MCM3: variants seen among roughly 807,000 people sequenced by gnomAD.
MCM3 encodes the protein minichromosome maintenance complex component 3.
Under a neutral mutation model 91.3 loss-of-function variants are expected in MCM3, and 59 were observed. The ratio of observed to expected loss-of-function variants is 0.65; its 90% CI spans 0.52 to 0.80. MCM3 has a LOEUF of 0.80. Among genes scored for constraint, MCM3 ranks in the 30% least tolerant of loss-of-function variants. The pLI is 0.00. For synonymous variants in MCM3, 383 were observed against 379.6 expected, an observed-to-expected ratio of 1.01 and a Z score of -0.10; for missense variants, 919 against 1,035.4, an observed-to-expected ratio of 0.89 and a Z score of 1.54.
At chr6:52,269,705 C>T (rs1003283061) in intron 12 of MCM3, among the ~76,000 whole-genome samples, 1 of 152,158 alleles carries the variant, frequency 6.6e-6, no homozygotes, top group Non-Finnish European at 1.5e-5. Context: ...AGGACAAAAA[C>T]GTAACTTCAG....
chr6:52,276,560 A>T, intron 8 of MCM3, 84 bp from the exon 9 acceptor site: 1 of 1,187,068 alleles, frequency 8.4e-7, no homozygotes, highest in South Asian at 1.5e-5. Context: ...CTTCCTAGGA[A>T]TCTCTCACTT....
chr6:52,278,857 C>T lies in MCM3; in HGVS notation c.771-7G>A, dbSNP rs1357564198. ...ACAGGCAATCAGGACAGTCCTGGGA[C>T]AAACAGAATAAAGAGGAAACCCGTT... On this transcript the variant is annotated splice_polypyrimidine_tract_variant and splice_region_variant and intron_variant, in intron 5 of 16. Transcript: ENST00000596288. 6.3e-7 allele frequency: 1 copy of T among 1,593,346 alleles called. No individual in the cohort carries two copies. Among genetic ancestry groups the T allele is most frequent in the Non-Finnish European group, 8.6e-7 (1 of 1,163,100 alleles).
rs1765888812 is a variant in MCM3, at chr6:52,279,509, C to T, written c.622G>A (p.Ala208Thr). The T allele has an allele frequency of 1.2e-6, 2 of 1,614,126 alleles. No homozygotes were observed. Among genetic ancestry groups the T allele is most frequent in the Non-Finnish European group, 1.7e-6 (2 of 1,180,020 alleles). The change falls in exon 5 of 17, where the codon GCC becomes ACC. Residue 208 changes from alanine to threonine, a missense_variant. Physicochemically the swap from Ala to Thr is moderately conservative, Grantham distance 58 (BLOSUM62 0). Around this residue, in one of 3 missense-constraint regions of MCM3, gnomAD observed 401 missense variants for 402.7 expected, o/e 1.00. Coordinates refer to ENST00000596288, the MANE Select transcript of MCM3 (RefSeq NM_002388.6). ...TITIQEMPEK[A>T]PAGQLPRSVD... The stretch of plus-strand genomic sequence containing the variant: ...GAGCGGGGGAGCTGGCCGGCTGGGG[C>T]CTTCTCCGGCATCTCCTGGATGGTG...
chr6:52,283,564 T>G (rs1233084064), intron 1 of MCM3, among the ~76,000 whole-genome samples, 158 bp from the exon 2 acceptor site: 4 of 152,240 alleles, frequency 2.6e-5, no homozygotes, highest in Non-Finnish European at 5.9e-5. Context: ...TCATTCACTG[T>G]TTTTAGATTC....
At chr6:52,284,230 G>T (rs1044642862) in intron 1 of MCM3, among the ~76,000 whole-genome samples, 2 of 152,222 alleles carry the variant, frequency 1.3e-5, no homozygotes, top group Non-Finnish European at 2.9e-5. Context: ...CTGCAACGCG[G>T]CTGGTCACTA....
chr6:52,267,338 C>T lies in MCM3; in HGVS notation c.2072+527G>A, dbSNP rs1003258180. Among the ~76,000 whole-genome samples, 15 of 151,900 alleles carry T rather than the reference C, an allele frequency of 9.9e-5. No individual in the cohort carries two copies. The East Asian group carries it at 1.2e-3, about 12-fold the overall frequency. On this transcript the variant is annotated intron_variant, in intron 14 of 16. Coordinates refer to ENST00000596288, the MANE Select transcript of MCM3 (RefSeq NM_002388.6). The stretch of plus-strand genomic sequence containing the variant: ...GTCTTGATCTCCTGACCTCGTGATC[C>T]GCCTGCCTCGGCCTCCCAAAGTGCT...
intron 13 of MCM3, 59 bp downstream of exon 13, chr6:52,269,027 C>T: frequency 6.5e-7 from 1 of 1,539,856 alleles, no homozygotes; most frequent in Admixed American, 1.9e-5. Flanking sequence ...GGCTGGGAAG[C>T]CCATGCATCT....
intron 10 of MCM3, 98 bp downstream of exon 10, chr6:52,273,644 G>C: frequency 7.8e-7 from 1 of 1,289,570 alleles, no homozygotes; most frequent in Non-Finnish European, 1.1e-6. Context: ...CATCAACCCG[G>C]ACACTGAAAC....
rs555310154 is a variant in MCM3 at position 52,277,809 on chromosome 6, C to A, written c.880-121G>T. ...GAGGGCCAGGCGCAGTGGCTCAGGT[C>A]TGTAATCCTAGCACTTTGGGAGGCC... On this transcript the variant is annotated intron_variant, in intron 6 of 16. Transcript: ENST00000596288. 6.1e-6 allele frequency: 5 copies of A among 825,366 alleles called. No homozygotes were observed. The African/African-American group carries it at 6.9e-5, about 11-fold the overall frequency. The allele number at this position is 825,366 out of a possible 1,614,324, so 51.1% of individuals were successfully genotyped here. A position where few individuals can be genotyped will look rare whatever the true frequency, so the allele number is the denominator to read the frequency against.
rs1158306667 is a variant in MCM3 at position 52,273,765 on chromosome 6, G to A, written c.1526C>T (p.Ala509Val). ...ACCATCGCCATCCTGCTCCCCAGGT[G>A]CTCTGTAACGGTGCATCCGAAGGAC... Reference protein sequence around the residue: ...DHVLRMHRYRAPGEQDGDAMP... With the variant: ...DHVLRMHRYRVPGEQDGDAMP... The change falls in exon 10 of 17, where the codon GCA becomes GTA. Residue 509 changes from alanine to valine, a missense_variant. By Grantham distance (64) the Ala-to-Val change is moderately conservative. This residue lies in a region of MCM3 where 233 missense variants were observed against 321.2 expected (regional missense o/e 0.73). Transcript: ENST00000596288. 8 of 1,612,384 alleles carry A rather than the reference G, an allele frequency of 5.0e-6. No homozygotes were observed. The Admixed American group carries it at 1.3e-4, about 27-fold the overall frequency.
chr6:52,281,446 CAGGAGGATCACTTG>C (rs892785130), intron 4 of MCM3, among the ~76,000 whole-genome samples: 1 of 151,882 alleles, frequency 6.6e-6, no homozygotes, highest in Non-Finnish European at 1.5e-5. Flanking sequence ...AAGATGGAAG[CAGGAGGATCACTTG>C]AGGCCACGAC....
intron 11 of MCM3, among the ~76,000 whole-genome samples, chr6:52,272,861 G>A (rs1051411951): frequency 5.3e-5 from 8 of 152,172 alleles, no homozygotes; most frequent in South Asian, 2.1e-4. Flanking sequence ...CTGATCACAC[G>A]TCTCCTTCAC....
chr6:52,273,452 T>C (rs1765300158), intron 10 of MCM3, 96 bp from the exon 11 acceptor site: 2 of 1,306,356 alleles, frequency 1.5e-6, no homozygotes, highest in South Asian at 2.6e-5. Context: ...ACACCAAGAT[T>C]CATAAAGAAA....
chr6:52,273,943 GGACAT>G (rs1326242015), intron 9 of MCM3, 27 bp from the exon 10 acceptor site: 2 of 1,566,156 alleles, frequency 1.3e-6, no homozygotes, highest in African/African-American at 2.7e-5. Flanking sequence ...CAACAGAAGT[GGACAT>G]GACATCAATA....
chr6:52,269,891 T>C (rs1764955454), intron 12 of MCM3, among the ~76,000 whole-genome samples: 2 of 152,228 alleles, frequency 1.3e-5, no homozygotes, highest in Admixed American at 1.3e-4. Flanking sequence ...AATCTCAGTG[T>C]TTAGGACTAG....
intron 14 of MCM3, 58 bp from the exon 15 acceptor site, chr6:52,266,754 A>T: frequency 2.2e-6 from 3 of 1,359,304 alleles, no homozygotes; most frequent in Non-Finnish European, 3.2e-6. Flanking sequence ...AAGGCAAGGA[A>T]GCCCCATCAC....
intron 4 of MCM3, among the ~76,000 whole-genome samples, chr6:52,281,330 T>A (rs1294221825): frequency 3.3e-5 from 5 of 152,230 alleles, no homozygotes; most frequent in Admixed American, 6.5e-5. Flanking sequence ...TGACTTCTTC[T>A]TTTGACTATT....
At chr6:52,269,331 C>T in intron 12 of MCM3, 105 bp from the exon 13 acceptor site, 1 of 1,124,934 alleles carries the variant, frequency 8.9e-7, no homozygotes, top group Non-Finnish European at 1.3e-6. Context: ...CCCCAGGAGG[C>T]CCAAGCAAAG....
chr6:52,272,358 A>C lies in MCM3; in HGVS notation c.1770T>G (p.Ile590Met). 3 of 1,614,218 alleles carry C rather than the reference A, an allele frequency of 1.9e-6. No individual in the cohort carries two copies. The highest frequency in any genetic ancestry group is 2.5e-6 in the Non-Finnish European group (3 of 1,180,040). ...PVLTQESATYIAEEYSRLRSQ... is the reference protein window; with the variant it reads ...PVLTQESATYMAEEYSRLRSQ... The stretch of plus-strand genomic sequence containing the variant: ...TGCGCAGGCGTGAATACTCTTCTGC[A>C]ATGTAGGTGGCCGACTCCTGTGTCA... Residue 590 changes from isoleucine to methionine, a missense_variant, in exon 12 of 17, where the codon ATT becomes ATG. Transcript: ENST00000596288.
Sources: gnomAD v4.1 joint callset for allele counts (sites outside exome capture counted in the v4.1 genomes callset) on GRCh38, gnomAD v4.1.1 for gene constraint, gnomAD v4.1.1 regional missense constraint, MANE v1.5 for transcripts, NCBI Gene and HGNC (gene_info 2026-07-23, HGNC 2026-07-21) for gene names.